ZNF475: variants seen among roughly 807,000 people sequenced by gnomAD.
ZNF475 encodes the protein zinc finger protein 475.
chr5:122,169,697 T>A, the ZNF475 span, among the ~76,000 whole-genome samples: 3,298 of 152,196 alleles, frequency 0.022, 94 homozygotes, highest in South Asian at 0.12. Context: ...GTTGAGAAGA[T>A]GAAAATTATA....
the ZNF475 span, among the ~76,000 whole-genome samples, chr5:122,171,444 A>G: frequency 6.6e-6 from 1 of 152,246 alleles, no homozygotes; most frequent in Non-Finnish European, 1.5e-5. Flanking sequence ...TGAGGTTATC[A>G]GTAGAGATAA....
the ZNF475 span, chr5:122,162,356 G>A: frequency 3.3e-5 from 5 of 152,246 alleles, no homozygotes; most frequent in South Asian, 4.1e-4. Context: ...TTCAAACAAC[G>A]ATCCTTCCAG....
the ZNF475 span, chr5:122,179,802 A>T: frequency 8.7e-7 from 1 of 1,150,876 alleles, no homozygotes; most frequent in Non-Finnish European, 1.1e-6. Context: ...GAGCAGAAGT[A>T]TTCTTTTTTC....
At chr5:122,166,399 G>T in the ZNF475 span, among the ~76,000 whole-genome samples, 6 of 151,960 alleles carry the variant, frequency 3.9e-5, no homozygotes, top group Non-Finnish European at 8.8e-5. Flanking sequence ...ACAACGTGCA[G>T]GTTTGTTACA....
At chr5:122,182,416 A>G in the ZNF475 span, 5 of 1,202,314 alleles carry the variant, frequency 4.2e-6, no homozygotes, top group Non-Finnish European at 4.5e-6. Context: ...GATCCATTTT[A>G]CCTTTTTCTT....
the ZNF475 span, among the ~76,000 whole-genome samples, chr5:122,172,008 G>A: frequency 6.6e-6 from 1 of 152,146 alleles, no homozygotes; most frequent in African/African-American, 2.4e-5. Flanking sequence ...GTCTCCCAAA[G>A]TGCTGGGATT....
chr5:122,179,716 T>C, the ZNF475 span: 3 of 1,517,996 alleles, frequency 2.0e-6, no homozygotes, highest in Admixed American at 2.2e-5. Context: ...AAACCAGAAG[T>C]CAGGACCATT....
At chr5:122,161,085 G>A in the ZNF475 span, among the ~76,000 whole-genome samples, 1 of 152,220 alleles carries the variant, frequency 6.6e-6, no homozygotes, top group Non-Finnish European at 1.5e-5. Flanking sequence ...GGAATTGAGA[G>A]AACTTTACTT....
At chr5:122,181,772 A>C in the ZNF475 span, among the ~76,000 whole-genome samples, 1 of 152,214 alleles carries the variant, frequency 6.6e-6, no homozygotes, top group East Asian at 1.9e-4. Flanking sequence ...AGGTTTATTA[A>C]AGCTAAATGC....
At chr5:122,160,689 T>C in the ZNF475 span, among the ~76,000 whole-genome samples, 28 of 152,164 alleles carry the variant, frequency 1.8e-4, no homozygotes, top group Non-Finnish European at 3.1e-4. Context: ...AATCACATAT[T>C]ATAAATTCAA....
chr5:122,178,493 A>T, the ZNF475 span, among the ~76,000 whole-genome samples: 1 of 152,158 alleles, frequency 6.6e-6, no homozygotes, highest in East Asian at 1.9e-4. Flanking sequence ...ACCAGTGATG[A>T]TGAGTTTTTT....
the ZNF475 span, among the ~76,000 whole-genome samples, chr5:122,175,696 A>G: frequency 6.6e-6 from 1 of 151,944 alleles, no homozygotes; most frequent in Non-Finnish European, 1.5e-5. Context: ...CCCTTTCTCT[A>G]ACTTTTCCTT....
the ZNF475 span, chr5:122,179,771 CTT>C: frequency 7.4e-7 from 1 of 1,348,558 alleles, no homozygotes; most frequent in Non-Finnish European, 9.7e-7. Context: ...TAAGGGGAGA[CTT>C]TTCTCTCTAA....
the ZNF475 span, among the ~76,000 whole-genome samples, chr5:122,172,926 G>A: frequency 6.6e-6 from 1 of 151,938 alleles, no homozygotes; most frequent in African/African-American, 2.4e-5. Context: ...CCAGGTACTC[G>A]GGAGGCTGAG....
the ZNF475 span, among the ~76,000 whole-genome samples, chr5:122,166,614 T>C: frequency 7.1e-6 from 1 of 140,936 alleles, no homozygotes; most frequent in Non-Finnish European, 1.5e-5. Context: ...GTCCTTGTGA[T>C]TGCTGAAAAT....
At chr5:122,182,529 G>T in the ZNF475 span, 2 of 1,532,050 alleles carry the variant, frequency 1.3e-6, no homozygotes, top group African/African-American at 2.8e-5. Flanking sequence ...AAATGAAGCT[G>T]CTTGGACAAG....
At chr5:122,179,538 T>C in the ZNF475 span, 4 of 1,431,602 alleles carry the variant, frequency 2.8e-6, no homozygotes, top group Non-Finnish European at 3.7e-6. Flanking sequence ...ATTTATTTTA[T>C]GTTACTTGCA....
At chr5:122,178,487 GTGA>G in the ZNF475 span, among the ~76,000 whole-genome samples, 1 of 152,218 alleles carries the variant, frequency 6.6e-6, no homozygotes, top group Non-Finnish European at 1.5e-5. Context: ...CTAATGACCA[GTGA>G]TGATGAGTTT....
chr5:122,179,605 A>G, the ZNF475 span: 1 of 1,531,044 alleles, frequency 6.5e-7, no homozygotes, highest in Non-Finnish European at 8.7e-7. Flanking sequence ...GGTCGTGAAT[A>G]TGGAACAAAA....
Sources: gnomAD v4.1 joint callset for allele counts (sites outside exome capture counted in the v4.1 genomes callset) on GRCh38, gnomAD v4.1.1 for gene constraint, MANE v1.5 for transcripts, NCBI Gene and HGNC (gene_info 2026-07-23, HGNC 2026-07-21) for gene names.